Variants in GLDC observed in about 807,000 individuals in gnomAD.
The protein encoded by GLDC is glycine dehydrogenase (decarboxylating), mitochondrial.
Under a neutral mutation model 121.3 loss-of-function variants are expected in GLDC, and 104 were observed. The ratio of observed to expected loss-of-function variants is 0.86; its 90% CI spans 0.73 to 1.01. The LOEUF (loss-of-function observed/expected upper bound fraction) is 1.01, where lower values mean the gene tolerates loss of function less well. GLDC is among the 50% of genes least tolerant of loss of function. The pLI is 0.00. For synonymous variants in GLDC, 546 were observed against 480.6 expected (o/e 1.14, Z -1.78); for missense variants, 1,429 against 1,306.6 (o/e 1.09, Z -1.44).
chr9:6,639,554 T>C lies in GLDC; in HGVS notation c.334+5060A>G. The stretch of plus-strand genomic sequence containing the variant: ...CTGATGGAGAGAAGAAGGTATATGT[T>C]CGACTGGCTCCTGATTATGATGCTT... On this transcript the variant is annotated intron_variant, in intron 2 of 24. Coordinates refer to ENST00000321612, the MANE Select transcript of GLDC (RefSeq NM_000170.3). 3 of 775,566 alleles carry C rather than the reference T, an allele frequency of 3.9e-6. No individual in the cohort carries two copies. In the South Asian group the frequency reaches 4.0e-5, roughly 10 times the overall value. The allele number at this position is 775,566 out of a possible 1,614,324, so 48.0% of individuals were successfully genotyped here.
At chr9:6,539,273 A>G (rs1209124122) in intron 22 of GLDC, among the ~76,000 whole-genome samples, 1 of 151,956 alleles carries the variant, frequency 6.6e-6, no homozygotes, top group Non-Finnish European at 1.5e-5. Context: ...AGCTCAGGAG[A>G]CTGAGACCAG....
chr9:6,622,391 G>A (rs1419986726), intron 2 of GLDC, among the ~76,000 whole-genome samples: 4 of 149,396 alleles, frequency 2.7e-5, no homozygotes, highest in African/African-American at 2.5e-5. Flanking sequence ...GCAGGCACGC[G>A]CCGCCACGCC....
Position 6,644,685 on chromosome 9 carries a change from T to G in GLDC, c.263A>C (p.Asp88Ala). 6.2e-7 allele frequency: 1 copy of G among 1,611,278 alleles called. No homozygotes were observed. The highest frequency in any genetic ancestry group is 1.7e-5 in the Admixed American group (1 of 60,024). Reference protein sequence around the residue: ...MLQTLGLASIDELIEKTVPAN... With the variant: ...MLQTLGLASIAELIEKTVPAN... ...AGGGACCGTCTTCTCGATCAATTCA[T>G]CAATGCTCTAAAATTAAAACGCAAG... Residue 88 changes from aspartate to alanine, a missense_variant, in exon 2 of 25, where the codon GAT becomes GCT. By Grantham distance (126) the Asp-to-Ala change is moderately radical (BLOSUM62 -2). Transcript: ENST00000321612.
chr9:6,567,843 G>A (rs917686288), intron 15 of GLDC, among the ~76,000 whole-genome samples: 2 of 152,190 alleles, frequency 1.3e-5, no homozygotes, highest in Non-Finnish European at 2.9e-5. Flanking sequence ...AGCTCTGACA[G>A]TAGGGTCTAA....
chr9:6,610,097 G>C, intron 4 of GLDC, 95 bp downstream of exon 4: 2 of 964,670 alleles, frequency 2.1e-6, no homozygotes, highest in East Asian at 2.6e-5. Flanking sequence ...CTAGAAAGCT[G>C]ACTAAAGTAA....
At chr9:6,548,327 C>A (rs1035656700) in intron 21 of GLDC, among the ~76,000 whole-genome samples, 14 of 151,562 alleles carry the variant, frequency 9.2e-5, no homozygotes, top group African/African-American at 3.4e-4. Context: ...TGAAGCTATT[C>A]CTTAAAGCCA....
At chr9:6,642,535 A>G (rs958124643) in intron 2 of GLDC, among the ~76,000 whole-genome samples, 4 of 152,228 alleles carry the variant, frequency 2.6e-5, no homozygotes, top group African/African-American at 9.6e-5. Context: ...CATTTCAAAA[A>G]TAAAAATAAA....
At chr9:6,543,623 G>A (rs145140642) in intron 21 of GLDC, among the ~76,000 whole-genome samples, 265 of 152,292 alleles carry the variant, frequency 1.7e-3, no homozygotes, top group African/African-American at 6.1e-3. Context: ...AAACTGCGGT[G>A]GAATTCCAGC....
intron 18 of GLDC, 109 bp downstream of exon 18, chr9:6,556,044 G>C (rs954624358): frequency 8.0e-5 from 67 of 840,194 alleles, no homozygotes; most frequent in South Asian, 1.5e-5. Flanking sequence ...TCAGGTCGTG[G>C]GTCTGAGTTC....
intron 18 of GLDC, 113 bp downstream of exon 18, chr9:6,556,040 C>T (rs368413924): frequency 2.5e-5 from 20 of 790,094 alleles, no homozygotes; most frequent in East Asian, 2.1e-4. Flanking sequence ...GTGGTCAGGT[C>T]GTGGGTCTGA....
intron 2 of GLDC, among the ~76,000 whole-genome samples, chr9:6,628,113 A>G (rs928771170): frequency 6.6e-6 from 1 of 152,222 alleles, no homozygotes; most frequent in Non-Finnish European, 1.5e-5. Context: ...TGATGTCTAA[A>G]TAAAACCCCA....
chr9:6,545,445 G>T (rs910980622), intron 21 of GLDC, among the ~76,000 whole-genome samples: 3 of 152,132 alleles, frequency 2.0e-5, no homozygotes, highest in Admixed American at 6.5e-5. Flanking sequence ...GTACATCTGT[G>T]TAGGGCACTT....
intron 16 of GLDC, 137 bp downstream of exon 16, chr9:6,565,217 C>G (rs1817830971): frequency 2.6e-6 from 2 of 769,026 alleles, no homozygotes; most frequent in Admixed American, 1.8e-5. Context: ...GGCTAGTTCA[C>G]AGAAATTTGT....
chr9:6,598,014 G>GA (rs1055591436), intron 8 of GLDC, among the ~76,000 whole-genome samples: 1 of 152,054 alleles, frequency 6.6e-6, no homozygotes, highest in African/African-American at 2.4e-5. Context: ...CAAATTTATA[G>GA]AAAAAATTGT....
chr9:6,593,295 A>G (rs1023010433), intron 9 of GLDC, among the ~76,000 whole-genome samples: 1 of 149,538 alleles, frequency 6.7e-6, no homozygotes, highest in Non-Finnish European at 1.5e-5. Flanking sequence ...ATAAAATTAT[A>G]CCTTTTTTTT....
chr9:6,558,287 G>T (rs1817677896), intron 17 of GLDC: 1 of 600,208 alleles, frequency 1.7e-6, no homozygotes. Context: ...GGAGAGGGAA[G>T]ATTGGGCAGA....
intron 2 of GLDC, among the ~76,000 whole-genome samples, chr9:6,643,525 C>T (rs1049669464): frequency 5.3e-5 from 7 of 132,350 alleles, no homozygotes; most frequent in Non-Finnish European, 9.5e-5. Context: ...AGTGAGATAA[C>T]CAGATGAGAT....
At chr9:6,645,118 C>T (rs563743707) in intron 1 of GLDC, 127 bp downstream of exon 1, 1 of 963,586 alleles carries the variant, frequency 1.0e-6, no homozygotes, top group Non-Finnish European at 1.5e-6. Context: ...CACGCCACGG[C>T]CCGGGACCCA....
At chr9:6,634,236 AAAAC>A (rs752494915) in intron 2 of GLDC, among the ~76,000 whole-genome samples, 43 of 152,110 alleles carry the variant, frequency 2.8e-4, no homozygotes, top group Admixed American at 1.2e-3. Flanking sequence ...CAAAAAGAAA[AAAAC>A]AAACAAACCC....
Sources: allele counts gnomAD v4.1 joint callset (sites outside exome capture counted in the v4.1 genomes callset), GRCh38; gene constraint gnomAD v4.1.1; transcripts MANE v1.5; gene names NCBI Gene and HGNC (gene_info 2026-07-23, HGNC 2026-07-21).